PARN: variants seen among roughly 807,000 people sequenced by gnomAD.
PARN encodes the protein poly(A)-specific ribonuclease PARN.
Under a neutral mutation model 102.8 loss-of-function variants are expected in PARN, and 71 were observed. The ratio of observed to expected loss-of-function variants is 0.69; its 90% CI spans 0.57 to 0.84. The LOEUF (loss-of-function observed/expected upper bound fraction) is 0.84. PARN is among the 40% of genes least tolerant of loss of function. PARN has a pLI of 0.00. For missense variants in PARN, 782 were observed against 760.9 expected, an observed-to-expected ratio of 1.03 and a Z score of -0.33; for synonymous variants, 261 against 252.9, an observed-to-expected ratio of 1.03 and a Z score of -0.30.
intron 5 of PARN, among the ~76,000 whole-genome samples, chr16:14,619,569 CTGAG>C (rs1972157584): frequency 6.6e-6 from 1 of 151,962 alleles, no homozygotes; most frequent in African/African-American, 2.4e-5. Context: ...CGAGACCAGC[CTGAG>C]TAACATAGGG....
At chr16:14,572,876 A>G (rs1292786150) in intron 18 of PARN, among the ~76,000 whole-genome samples, 2 of 151,206 alleles carry the variant, frequency 1.3e-5, no homozygotes, top group African/African-American at 4.9e-5. Context: ...AGCATGTTAG[A>G]TCTTTTTGTA....
intron 11 of PARN, among the ~76,000 whole-genome samples, chr16:14,602,918 G>T (rs558463262): frequency 2.6e-5 from 4 of 151,698 alleles, no homozygotes; most frequent in African/African-American, 7.3e-5. Flanking sequence ...CAATCATCTC[G>T]TATCTTTTTT....
chr16:14,498,031 G>A (rs1463204893), intron 21 of PARN, among the ~76,000 whole-genome samples: 1 of 151,640 alleles, frequency 6.6e-6, no homozygotes, highest in Non-Finnish European at 1.5e-5. Context: ...GGCTGAGGCA[G>A]GAGAATGGCT....
At chr16:14,545,512 C>T (rs936192118) in intron 21 of PARN, among the ~76,000 whole-genome samples, 1 of 152,156 alleles carries the variant, frequency 6.6e-6, no homozygotes, top group African/African-American at 2.4e-5. Context: ...AGTTAACATA[C>T]AACTAACGCA....
At position 14,490,447 on chromosome 16, in the gene PARN, A is replaced by C. The variant is rs1335086138; in HGVS notation, c.1481-7620T>G. On this transcript the variant is annotated intron_variant, in intron 21 of 23. Transcript: ENST00000437198. Reference sequence around the variant, plus strand: ...CTGTCTGCAAGGAAGCAGTGTGTCCATCTCTCCACCCAACAGCCTTGTGCA... The same window carrying C: ...CTGTCTGCAAGGAAGCAGTGTGTCCCTCTCTCCACCCAACAGCCTTGTGCA... Among the ~76,000 whole-genome samples the C allele has an allele frequency of 2.6e-5, 4 of 152,318 alleles. No homozygotes were observed. In the South Asian group the frequency reaches 8.3e-4, roughly 32 times the overall value.
Position 14,602,329 on chromosome 16 carries a change from C to A in PARN, c.783+1817G>T, listed in dbSNP as rs1157100415. Among the ~76,000 whole-genome samples the A allele has an allele frequency of 2.0e-5, 3 of 151,984 alleles. No individual in the cohort carries two copies. The East Asian group carries it at 5.8e-4, about 29-fold the overall frequency. ...AATGCTGTTGATCCTCAGGATTCAG[C>A]CCCAGGTCCTCTTCTCATTCCTCAC... On this transcript the variant is annotated intron_variant, in intron 11 of 23. Coordinates refer to ENST00000437198, the MANE Select transcript of PARN (RefSeq NM_002582.4).
intron 22 of PARN, among the ~76,000 whole-genome samples, chr16:14,465,807 T>C (rs1478250924): frequency 6.6e-6 from 1 of 152,160 alleles, no homozygotes; most frequent in Non-Finnish European, 1.5e-5. Flanking sequence ...GCTGAATCCT[T>C]ACCTATCCTA....
intron 21 of PARN, among the ~76,000 whole-genome samples, chr16:14,525,449 G>A (rs1965947295): frequency 6.6e-6 from 1 of 152,172 alleles, no homozygotes. Context: ...CCAAGGTGGG[G>A]TGCACAAACA....
intron 21 of PARN, among the ~76,000 whole-genome samples, chr16:14,499,344 G>A (rs564049727): frequency 6.6e-6 from 1 of 152,344 alleles, no homozygotes; most frequent in East Asian, 1.9e-4. Context: ...GCGGGACAGA[G>A]AGAGGAAGTG....
intron 9 of PARN, 38 bp downstream of exon 9, chr16:14,608,243 T>A (rs1971311969): frequency 7.1e-7 from 1 of 1,415,406 alleles, no homozygotes; most frequent in African/African-American, 1.4e-5. Flanking sequence ...AAATCCTGGG[T>A]CCCCCACAGA....
intron 21 of PARN, among the ~76,000 whole-genome samples, chr16:14,498,072 C>T (rs1053595479): frequency 1.5e-5 from 2 of 136,846 alleles, no homozygotes; most frequent in South Asian, 4.5e-4. Flanking sequence ...TGCAGTGAGC[C>T]AAGATGGTGC....
intron 21 of PARN, among the ~76,000 whole-genome samples, chr16:14,514,847 T>C (rs1965379999): frequency 6.6e-6 from 1 of 152,174 alleles, no homozygotes; most frequent in African/African-American, 2.4e-5. Context: ...CTGTGGAGTA[T>C]GGTCTGGAAT....
At chr16:14,535,278 G>A (rs1966562800) in intron 21 of PARN, among the ~76,000 whole-genome samples, 1 of 152,146 alleles carries the variant, frequency 6.6e-6, no homozygotes, top group South Asian at 2.1e-4. Flanking sequence ...TCAATTTTAA[G>A]TTACCTAACA....
At chr16:14,530,867 T>C (rs1966284141) in intron 21 of PARN, among the ~76,000 whole-genome samples, 1 of 152,208 alleles carries the variant, frequency 6.6e-6, no homozygotes, top group Non-Finnish European at 1.5e-5. Flanking sequence ...GTAGCCCCCA[T>C]GCAGAGAAGC....
chr16:14,580,952 GA>G lies in PARN; in HGVS notation c.1193-10del, dbSNP rs1969497124. On this transcript the variant is annotated splice_polypyrimidine_tract_variant and intron_variant, in intron 17 of 23. Coordinates refer to ENST00000437198, the MANE Select transcript of PARN (RefSeq NM_002582.4). ...AGGGCTGAGAAAAGAACCTAATGAA[GA>G]AAAGAAGAGAGGTATTATTATTCAT... 4.5e-6 allele frequency: 7 copies of G among 1,570,532 alleles called. 1 individual carries two copies. The African/African-American group carries it at 8.1e-5, about 18-fold the overall frequency.
chr16:14,513,177 G>A (rs1250711976), intron 21 of PARN, among the ~76,000 whole-genome samples: 1 of 152,008 alleles, frequency 6.6e-6, no homozygotes, highest in African/African-American at 2.4e-5. Context: ...TGCCCGCCTC[G>A]GCCTCCCAAA....
intron 22 of PARN, among the ~76,000 whole-genome samples, chr16:14,451,214 A>T (rs1739279676): frequency 6.6e-6 from 1 of 152,176 alleles, no homozygotes; most frequent in South Asian, 2.1e-4. Context: ...GTTACCGTTC[A>T]TGCTAAGACC....
intron 13 of PARN, among the ~76,000 whole-genome samples, chr16:14,588,579 C>A (rs908808246): frequency 6.6e-6 from 1 of 152,132 alleles, no homozygotes; most frequent in Admixed American, 6.6e-5. Flanking sequence ...AACTTCATTG[C>A]TTTAAAGATC....
In PARN at chr16:14,561,472, G is replaced by A. The variant is rs908925674; in HGVS notation, c.1263-5763C>T. On this transcript the variant is annotated intron_variant, in intron 18 of 23. Coordinates refer to ENST00000437198, the MANE Select transcript of PARN (RefSeq NM_002582.4). ...CTAAAGATGATGCAGCAATCAGCTG[G>A]ATAATGACTTGTGCCAACTTCTCCA... 4.6e-5 allele frequency among the ~76,000 whole-genome samples: 7 copies of A among 152,308 alleles called. No individual in the cohort carries two copies. In the South Asian group the frequency reaches 1.5e-3, roughly 32 times the overall value.
Sources: gnomAD v4.1 joint callset for allele counts (sites outside exome capture counted in the v4.1 genomes callset) on GRCh38, gnomAD v4.1.1 for gene constraint, MANE v1.5 for transcripts, NCBI Gene and HGNC (gene_info 2026-07-23, HGNC 2026-07-21) for gene names.